Variants in SORCS1 observed in about 807,000 individuals in gnomAD.
SORCS1 encodes VPS10 domain-containing receptor SorCS1.
A neutral mutation model predicts 146.1 loss-of-function variants in SORCS1; 60 were observed. The observed-to-expected ratio is 0.41, with a 90% CI of 0.33 to 0.51. SORCS1 has a LOEUF of 0.51. SORCS1 is among the 20% of genes least tolerant of loss of function. The pLI, the probability that SORCS1 is intolerant of heterozygous loss-of-function variation, is 0.21. For missense variants in SORCS1, 1,352 were observed against 1,487.6 expected (o/e 0.91, Z 1.50); for synonymous variants, 637 against 584.0 (o/e 1.09, Z -1.31).
At chr10:107,015,566 T>C (rs145892918) in intron 1 of SORCS1, among the ~76,000 whole-genome samples, 2 of 152,278 alleles carry the variant, frequency 1.3e-5, no homozygotes, top group Non-Finnish European at 2.9e-5. Context: ...ATACTGAGAA[T>C]TGATGCTGTA....
intron 1 of SORCS1, among the ~76,000 whole-genome samples, chr10:107,125,937 T>A (rs1419132337): frequency 6.6e-6 from 1 of 152,334 alleles, no homozygotes; most frequent in East Asian, 1.9e-4. Context: ...TAAATTGGAA[T>A]GTCCTTCCTT....
intron 1 of SORCS1, among the ~76,000 whole-genome samples, chr10:107,033,957 T>A (rs568249981): frequency 6.6e-5 from 10 of 152,316 alleles, no homozygotes; most frequent in African/African-American, 2.2e-4. Flanking sequence ...GGCACATTAA[T>A]CACTCCTGAT....
intron 1 of SORCS1, among the ~76,000 whole-genome samples, chr10:107,109,353 G>C (rs1316884670): frequency 2.6e-5 from 4 of 152,332 alleles, no homozygotes; most frequent in Non-Finnish European, 4.4e-5. Flanking sequence ...TCTAGACGGA[G>C]GCCAAGCCTC....
chr10:106,790,508 A>T (rs1412063641), intron 3 of SORCS1, among the ~76,000 whole-genome samples: 1 of 152,208 alleles, frequency 6.6e-6, no homozygotes, highest in Non-Finnish European at 1.5e-5. Context: ...AAAGTGAAAG[A>T]GGGGTCCAAG....
At chr10:106,751,381 A>T (rs1014250013) in intron 5 of SORCS1, among the ~76,000 whole-genome samples, 2 of 152,210 alleles carry the variant, frequency 1.3e-5, no homozygotes, top group African/African-American at 4.8e-5. Context: ...GTGTAAAAGA[A>T]GAGCGAACAA....
chr10:106,825,015 T>A (rs1948230907), intron 3 of SORCS1, among the ~76,000 whole-genome samples: 1 of 152,186 alleles, frequency 6.6e-6, no homozygotes, highest in Non-Finnish European at 1.5e-5. Flanking sequence ...ACTAAAAGAA[T>A]TGGCTTTTCC....
intron 2 of SORCS1, among the ~76,000 whole-genome samples, chr10:106,916,648 T>C (rs1448138163): frequency 6.7e-6 from 1 of 149,532 alleles, no homozygotes; most frequent in East Asian, 1.9e-4. Context: ...AAAAAATTTA[T>C]AAAATAATAA....
intron 2 of SORCS1, among the ~76,000 whole-genome samples, chr10:106,851,614 G>A (rs928507004): frequency 6.6e-6 from 1 of 152,146 alleles, no homozygotes; most frequent in Non-Finnish European, 1.5e-5. Flanking sequence ...CAAGTTTATT[G>A]TAAGTCTTGA....
chr10:107,168,546 C>T (rs1240247225), upstream of SORCS1, among the ~76,000 whole-genome samples: 1 of 152,048 alleles, frequency 6.6e-6, no homozygotes, highest in Non-Finnish European at 1.5e-5. Flanking sequence ...GGCTGGTTAG[C>T]TGGGTGGCAC....
chr10:107,140,762 T>A (rs1327730098), intron 1 of SORCS1, among the ~76,000 whole-genome samples: 1 of 152,248 alleles, frequency 6.6e-6, no homozygotes, highest in East Asian at 1.9e-4. Context: ...ACATGGTAAT[T>A]CTGGCTGAGC....
chr10:106,625,920 C>A (rs1364100552), intron 19 of SORCS1, among the ~76,000 whole-genome samples: 2 of 152,132 alleles, frequency 1.3e-5, no homozygotes, highest in Non-Finnish European at 1.5e-5. Context: ...GGCTGCAGCA[C>A]GTGTCTCATT....
chr10:106,717,308 A>C (rs2135908013), intron 6 of SORCS1, among the ~76,000 whole-genome samples: 1 of 152,340 alleles, frequency 6.6e-6, no homozygotes, highest in Admixed American at 6.5e-5. Flanking sequence ...ACGTGTCAAC[A>C]CGCTGCTGTT....
At chr10:106,956,482 C>T (rs773267639) in intron 2 of SORCS1, 31 bp downstream of exon 2, 18 of 1,602,792 alleles carry the variant, frequency 1.1e-5, no homozygotes, top group East Asian at 2.2e-5. Context: ...TTAAATAACA[C>T]GGTAATTATT....
At chr10:106,888,858 G>A (rs542241292) in intron 2 of SORCS1, among the ~76,000 whole-genome samples, 11 of 152,290 alleles carry the variant, frequency 7.2e-5, no homozygotes, top group South Asian at 2.1e-4. Context: ...GGAATGGAAC[G>A]GAGTTTACGC....
At chr10:106,924,076 G>T (rs1357585236) in intron 2 of SORCS1, among the ~76,000 whole-genome samples, 1 of 152,118 alleles carries the variant, frequency 6.6e-6, no homozygotes, top group Non-Finnish European at 1.5e-5. Context: ...CCAACATGGA[G>T]AAACCCCATC....
intron 18 of SORCS1, among the ~76,000 whole-genome samples, chr10:106,643,403 G>A (rs927519443): frequency 5.3e-5 from 8 of 152,164 alleles, no homozygotes; most frequent in East Asian, 1.9e-4. Context: ...TGCACCTCCC[G>A]TGCCTACGTA....
intron 1 of SORCS1, among the ~76,000 whole-genome samples, chr10:107,040,534 T>G (rs919603906): frequency 1.3e-5 from 2 of 152,114 alleles, no homozygotes; most frequent in Non-Finnish European, 2.9e-5. Context: ...CCCTCTAACT[T>G]TAGTATGTAA....
chr10:106,678,956 G>A (rs554266489), intron 12 of SORCS1, among the ~76,000 whole-genome samples: 55 of 152,056 alleles, frequency 3.6e-4, no homozygotes, highest in Non-Finnish European at 6.0e-4. Flanking sequence ...TAGGAATTCT[G>A]GTTTTCATCT....
At chr10:107,147,720 T>C (rs1565105499) in intron 1 of SORCS1, among the ~76,000 whole-genome samples, 1 of 152,200 alleles carries the variant, frequency 6.6e-6, no homozygotes, top group African/African-American at 2.4e-5. Context: ...TATATTGCTT[T>C]AGTGTCCTGA....
Sources: allele counts gnomAD v4.1 joint callset (sites outside exome capture counted in the v4.1 genomes callset), GRCh38; gene constraint gnomAD v4.1.1; transcripts MANE v1.5; gene names NCBI Gene and HGNC (gene_info 2026-07-23, HGNC 2026-07-21).